Variants in MRTFB observed in about 807,000 individuals in gnomAD.
MRTFB encodes myocardin related transcription factor B, also known as myocardin-related transcription factor B.
Under a neutral mutation model 104.2 loss-of-function variants are expected in MRTFB, and 29 were observed. That is an observed-to-expected ratio of 0.28 (90% CI 0.21 to 0.38). The LOEUF (loss-of-function observed/expected upper bound fraction) is 0.38. Among genes scored for constraint, MRTFB ranks in the 10% least tolerant of loss-of-function variants. The pLI is 1.00. For synonymous variants in MRTFB, 535 were observed against 519.5 expected (o/e 1.03, Z -0.41); for missense variants, 1,270 against 1,341.6 (o/e 0.95, Z 0.83).
At chr16:14,036,014 A>G in the MRTFB span, among the ~76,000 whole-genome samples, 1 of 149,444 alleles carries the variant, frequency 6.7e-6, no homozygotes, top group Non-Finnish European at 1.5e-5. Context: ...CACTTGGAAT[A>G]ATAGTCTCCA....
intron 8 of MRTFB, among the ~76,000 whole-genome samples, chr16:14,221,105 C>T (rs140170866): frequency 2.6e-5 from 4 of 152,238 alleles, no homozygotes; most frequent in East Asian, 1.9e-4. Context: ...ATTATTAATA[C>T]GTTGTAGGTG....
intron 3 of MRTFB, chr16:14,143,802 C>G (rs988872951): frequency 2.6e-5 from 4 of 151,668 alleles, no homozygotes; most frequent in Admixed American, 2.0e-4. Flanking sequence ...TTTATGGGGT[C>G]TAGTTTCTGT....
chr16:14,243,781 C>G (rs1204104466), intron 10 of MRTFB, among the ~76,000 whole-genome samples: 2 of 151,996 alleles, frequency 1.3e-5, no homozygotes, highest in African/African-American at 2.4e-5. Flanking sequence ...AGAACATTTT[C>G]AGTACCCCAA....
intron 3 of MRTFB, among the ~76,000 whole-genome samples, chr16:14,166,248 T>C (rs1253020294): frequency 1.3e-5 from 2 of 150,764 alleles, no homozygotes; most frequent in African/African-American, 4.9e-5. Flanking sequence ...CAACATCTTA[T>C]TTTGAAACAA....
chr16:14,004,157 C>A, the MRTFB span, among the ~76,000 whole-genome samples: 2 of 152,146 alleles, frequency 1.3e-5, no homozygotes, highest in East Asian at 3.9e-4. Context: ...GTGGCAGCCC[C>A]GGACCTTGAT....
the MRTFB span, among the ~76,000 whole-genome samples, chr16:14,004,925 G>A: frequency 6.6e-6 from 1 of 152,228 alleles, no homozygotes; most frequent in African/African-American, 2.4e-5. Flanking sequence ...AGTTTCTGAG[G>A]CCCGGTTCTC....
upstream of MRTFB, among the ~76,000 whole-genome samples, chr16:14,068,831 A>G (rs906741768): frequency 2.0e-5 from 3 of 152,146 alleles, no homozygotes; most frequent in African/African-American, 7.2e-5. Flanking sequence ...TGAGTAAGGA[A>G]GATCTGCCTT....
the MRTFB span, among the ~76,000 whole-genome samples, chr16:14,027,954 A>T: frequency 6.6e-6 from 1 of 152,340 alleles, no homozygotes; most frequent in African/African-American, 2.4e-5. Flanking sequence ...AGACAGGCAG[A>T]TGGCTTGAGC....
At chr16:14,187,634 T>C (rs2040005118) in intron 3 of MRTFB, among the ~76,000 whole-genome samples, 1 of 152,248 alleles carries the variant, frequency 6.6e-6, no homozygotes, top group South Asian at 2.1e-4. Context: ...CGATTATTAT[T>C]GTTAGTAAAC....
At chr16:14,037,593 G>T in the MRTFB span, among the ~76,000 whole-genome samples, 1 of 152,144 alleles carries the variant, frequency 6.6e-6, no homozygotes, top group African/African-American at 2.4e-5. Flanking sequence ...CTCCGTATTG[G>T]GTGCTCTCAT....
In MRTFB at chr16:14,266,438, C is replaced by CA. The variant is rs2043949873; in HGVS notation, c.*4995dup. ...AAAAAAGGAGAAAGATACCAATCTA[C>CA]AGAGCCCTGCTTGTTGAAGCACTAG... On this transcript the variant is annotated 3_prime_UTR_variant, in exon 17 of 17. Coordinates refer to ENST00000571589, the MANE Select transcript of MRTFB (RefSeq NM_001308142.2). 2 of 152,292 alleles carry CA rather than the reference C, an allele frequency of 1.3e-5. No homozygotes were observed. Among genetic ancestry groups the CA allele is most frequent in the South Asian group, 4.1e-4 (2 of 4,824 alleles). 9.4% of individuals were successfully genotyped at this position (152,292 alleles called of 1,614,324 possible). A position where few individuals can be genotyped will look rare whatever the true frequency, so the allele number is the denominator to read the frequency against.
chr16:14,160,920 T>C lies in MRTFB; in HGVS notation c.154+20160T>C, dbSNP rs115377942. ...CACAAGATATTTCAGAATCATCTTA[T>C]GCTTTCATTGGCTTCATCTTGGAAT... On this transcript the variant is annotated intron_variant, in intron 3 of 16. Transcript: ENST00000571589. Among the ~76,000 whole-genome samples, 1,248 of 152,198 alleles carry C rather than the reference T, an allele frequency of 8.2e-3. 14 individuals carry two copies. Among genetic ancestry groups the C allele is most frequent in the African/African-American group, 0.027 (1,112 of 41,518 alleles).
At position 14,245,637 on chromosome 16, in the gene MRTFB, C is replaced by T. The variant is rs772178770; in HGVS notation, c.1189C>T (p.Pro397Ser). 6.2e-7 allele frequency: 1 copy of T among 1,613,598 alleles called. No homozygotes were observed. The highest frequency in any genetic ancestry group is 1.1e-5 in the South Asian group (1 of 90,870). Reference sequence around the variant, plus strand: ...TCCTGTGAGAAAGCCAGGACCTCTGCCTTCTAGCCTGGATGACTTAAAGGT... The same window carrying T: ...TCCTGTGAGAAAGCCAGGACCTCTGTCTTCTAGCCTGGATGACTTAAAGGT... ...STPVRKPGPL[P>S]SSLDDLKVSE... The change falls in exon 11 of 17, where the codon CCT becomes TCT. Residue 397 changes from proline to serine, a missense_variant. By Grantham distance (74) the Pro-to-Ser change is moderately conservative. Coordinates refer to ENST00000571589, the MANE Select transcript of MRTFB (RefSeq NM_001308142.2).
chr16:14,243,656 T>A (rs1486051088), intron 10 of MRTFB, among the ~76,000 whole-genome samples: 1 of 152,126 alleles, frequency 6.6e-6, no homozygotes, highest in Non-Finnish European at 1.5e-5. Flanking sequence ...ATGCACCAAC[T>A]TCTTTTAAGT....
intron 3 of MRTFB, among the ~76,000 whole-genome samples, chr16:14,204,610 A>T (rs2040860588): frequency 6.6e-6 from 1 of 152,224 alleles, no homozygotes; most frequent in Admixed American, 6.5e-5. Context: ...GTGATAAGGA[A>T]TAAGGATTAA....
chr16:14,163,390 CAT>C (rs1470195169), intron 3 of MRTFB, among the ~76,000 whole-genome samples: 2 of 152,144 alleles, frequency 1.3e-5, no homozygotes, highest in Non-Finnish European at 2.9e-5. Context: ...ATCTTCAACA[CAT>C]TTTCTAATAT....
At chr16:14,220,582 C>G (rs1006685222) in intron 8 of MRTFB, among the ~76,000 whole-genome samples, 2 of 152,242 alleles carry the variant, frequency 1.3e-5, no homozygotes, top group Non-Finnish European at 2.9e-5. Flanking sequence ...AGTGAGCTGA[C>G]ATTCCAGAAT....
intron 2 of MRTFB, among the ~76,000 whole-genome samples, chr16:14,103,750 C>G (rs1054816439): frequency 3.3e-5 from 5 of 152,162 alleles, no homozygotes; most frequent in Admixed American, 6.6e-5. Flanking sequence ...CTTCTAATGC[C>G]TTCGTCCAAG....
chr16:14,134,194 A>G (rs961504419), intron 2 of MRTFB, among the ~76,000 whole-genome samples: 5 of 152,374 alleles, frequency 3.3e-5, no homozygotes, highest in African/African-American at 9.6e-5. Flanking sequence ...TAGAACTATA[A>G]TAGCCACTTC....
Sources: allele counts gnomAD v4.1 joint callset (sites outside exome capture counted in the v4.1 genomes callset), GRCh38; gene constraint gnomAD v4.1.1; transcripts MANE v1.5; gene names NCBI Gene and HGNC (gene_info 2026-07-23, HGNC 2026-07-21).